The following NPC1 variants were observed in gnomAD, a reference collection of about 807,000 sequenced individuals.
The protein encoded by NPC1 is NPC intracellular cholesterol transporter 1.
A neutral mutation model predicts 140.4 loss-of-function variants in NPC1; 85 were observed. That is an observed-to-expected ratio of 0.61 (90% CI 0.51 to 0.72). NPC1 has a LOEUF of 0.72. NPC1 is among the 30% of genes least tolerant of loss of function. The pLI is 0.00. For synonymous variants in NPC1, 656 were observed against 624.8 expected, an observed-to-expected ratio of 1.05 and a Z score of -0.74; for missense variants, 1,504 against 1,623.8, an observed-to-expected ratio of 0.93 and a Z score of 1.27.
At chr18:23,582,198 T>C (rs1192468921) in intron 1 of NPC1, 8 of 152,214 alleles carry the variant, frequency 5.3e-5, no homozygotes, top group Non-Finnish European at 1.2e-4. Flanking sequence ...TTCATGTTTA[T>C]GAAATTATTT....
At chr18:23,564,344 T>C (rs1358322076) in intron 4 of NPC1, among the ~76,000 whole-genome samples, 1 of 151,906 alleles carries the variant, frequency 6.6e-6, no homozygotes. Flanking sequence ...TGCAAATATA[T>C]TCTTGTCCTT....
intron 3 of NPC1, among the ~76,000 whole-genome samples, chr18:23,508,389 G>A (rs1410850849): frequency 6.6e-6 from 1 of 152,126 alleles, no homozygotes; most frequent in East Asian, 1.9e-4. Context: ...CACCTGGAGT[G>A]GAGGTTTCTG....
chr18:23,536,973 A>C, intron 20 of NPC1, 97 bp from the exon 21 acceptor site: 1 of 936,308 alleles, frequency 1.1e-6, no homozygotes, highest in Non-Finnish European at 1.7e-6. Flanking sequence ...CTGACCCTGG[A>C]CTCAGAGGTC....
downstream of NPC1, chr18:23,530,411 A>C (rs775562196): frequency 6.2e-7 from 1 of 1,614,250 alleles, no homozygotes; most frequent in South Asian, 1.1e-5. Flanking sequence ...AAATGATGAA[A>C]TAGTAGAAGT....
chr18:23,572,040 A>G, intron 3 of NPC1, 34 bp downstream of exon 3: 1 of 1,383,186 alleles, frequency 7.2e-7, no homozygotes. Flanking sequence ...AAGTATCTAC[A>G]GCCCAGTTGT....
intron 19 of NPC1, chr18:23,539,045 T>C (rs2058674143): frequency 1.3e-5 from 6 of 456,508 alleles, no homozygotes; most frequent in Non-Finnish European, 2.4e-5. Flanking sequence ...AGCCCTCCTC[T>C]GAGAAGCTAA....
chr18:23,581,110 A>G (rs2145584537), intron 1 of NPC1, among the ~76,000 whole-genome samples: 1 of 152,360 alleles, frequency 6.6e-6, no homozygotes, highest in East Asian at 1.9e-4. Context: ...AGGTCATATT[A>G]CTAGTTAGTC....
At chr18:23,540,581 TA>T (rs2058700574) in intron 16 of NPC1, 44 bp from the exon 17 acceptor site, 1 of 1,324,330 alleles carries the variant, frequency 7.6e-7, no homozygotes, top group Non-Finnish European at 1.1e-6. Flanking sequence ...GCTTAGTAAA[TA>T]AGCTTACGAC....
rs1555634685 is a variant in NPC1, at chr18:23,544,950, C to CCCG, written c.1947+7_1947+9dup. On this transcript the variant is annotated intron_variant, in intron 12 of 24. Coordinates refer to ENST00000269228, the MANE Select transcript of NPC1 (RefSeq NM_000271.5). ...ACCTCTAGAACATACACCACCCCCC[C>CCCG]CCGGCTTACCAGAAGCCTGCGACAG... 3.9e-5 allele frequency: 55 copies of CCCG among 1,415,990 alleles called. No homozygotes were observed. In the African/African-American group the frequency reaches 5.0e-4, roughly 13 times the overall value. The allele number at this position is 1,415,990 out of a possible 1,614,324, so 87.7% of individuals were successfully genotyped here.
chr18:23,534,838 C>T (rs188758277), intron 22 of NPC1, among the ~76,000 whole-genome samples: 113 of 152,316 alleles, frequency 7.4e-4, no homozygotes, highest in African/African-American at 2.6e-3. Context: ...CCACCCGCAC[C>T]GAGCTGGCGC....
intron 1 of NPC1, among the ~76,000 whole-genome samples, chr18:23,584,290 C>T (rs569046936): frequency 7.2e-5 from 11 of 152,236 alleles, no homozygotes; most frequent in East Asian, 5.8e-4. Flanking sequence ...ATCATCGGTA[C>T]GAATTCTAAA....
intron 3 of NPC1, among the ~76,000 whole-genome samples, chr18:23,509,040 T>C (rs907474855): frequency 6.6e-6 from 1 of 152,162 alleles, no homozygotes; most frequent in Non-Finnish European, 1.5e-5. Flanking sequence ...CAGGGAACAT[T>C]GTATTTAAAA....
chr18:23,524,149 C>T, intron 1 of NPC1: 1 of 1,614,024 alleles, frequency 6.2e-7, no homozygotes, highest in South Asian at 1.1e-5. Context: ...CCGTGACCAG[C>T]CAGTCTCCTG....
downstream of NPC1, among the ~76,000 whole-genome samples, chr18:23,517,445 G>C (rs1056795882): frequency 2.0e-5 from 3 of 152,186 alleles, no homozygotes; most frequent in African/African-American, 7.2e-5. Context: ...ACCACGCCTG[G>C]CAGTACGGAG....
chr18:23,546,042 A>G (rs1248609750), intron 11 of NPC1, among the ~76,000 whole-genome samples: 1 of 152,114 alleles, frequency 6.6e-6, no homozygotes, highest in African/African-American at 2.4e-5. Flanking sequence ...TGAGGTCAAG[A>G]GTTCGAGACT....
At chr18:23,506,262 T>G in exon 4 of NPC1, 1 of 151,670 alleles carries the variant, frequency 6.6e-6, no homozygotes, top group African/African-American at 2.4e-5. Context: ...AATATGTGAG[T>G]TTTGACATGT....
At chr18:23,532,924 C>T (rs768366638) in intron 24 of NPC1, 110 of 985,160 alleles carry the variant, frequency 1.1e-4, no homozygotes, top group Non-Finnish European at 1.3e-4. Context: ...AGGACAGTCT[C>T]GAGATGAAGA....
downstream of NPC1, among the ~76,000 whole-genome samples, chr18:23,525,032 C>T (rs59970087): frequency 3.7e-3 from 561 of 149,762 alleles, 24 homozygotes; most frequent in East Asian, 0.083. Flanking sequence ...CTGCAACCTC[C>T]GCCTCCCGGG....
intron 3 of NPC1, among the ~76,000 whole-genome samples, chr18:23,512,266 C>G (rs2057881865): frequency 6.6e-6 from 1 of 152,126 alleles, no homozygotes; most frequent in Non-Finnish European, 1.5e-5. Flanking sequence ...AATAATCCAC[C>G]TATCTCGGCC....
Sources: allele counts gnomAD v4.1 joint callset (sites outside exome capture counted in the v4.1 genomes callset), GRCh38; gene constraint gnomAD v4.1.1; transcripts MANE v1.5; gene names NCBI Gene and HGNC (gene_info 2026-07-23, HGNC 2026-07-21).